The following LONP2 variants were observed in gnomAD, a reference collection of about 807,000 sequenced individuals.
LONP2 encodes lon protease homolog 2, peroxisomal.
Under a neutral mutation model 85.6 loss-of-function variants are expected in LONP2, and 60 were observed. That is an observed-to-expected ratio of 0.70 (90% CI 0.57 to 0.87). The LOEUF (loss-of-function observed/expected upper bound fraction) is 0.87, where lower values mean the gene tolerates loss of function less well. Among genes scored for constraint, LONP2 ranks in the 40% least tolerant of loss-of-function variants. LONP2 has a pLI of 0.00. For synonymous variants in LONP2, 395 were observed against 389.7 expected, an observed-to-expected ratio of 1.01 and a Z score of -0.16; for missense variants, 860 against 1,063.5, an observed-to-expected ratio of 0.81 and a Z score of 2.66.
At chr16:48,349,553 G>A (rs937828459) in intron 14 of LONP2, among the ~76,000 whole-genome samples, 6 of 152,180 alleles carry the variant, frequency 3.9e-5, no homozygotes, top group African/African-American at 7.2e-5. Context: ...CAGCCACAGC[G>A]GCCTGGGGTA....
In LONP2 at chr16:48,355,426, G is replaced by T. The variant is rs959200319; in HGVS notation, c.*3624G>T. The T allele has an allele frequency of 2.0e-5, 3 of 152,150 alleles. No individual in the cohort carries two copies. The highest frequency in any genetic ancestry group is 7.2e-5 in the African/African-American group (3 of 41,438). 9.4% of individuals were successfully genotyped at this position (152,150 alleles called of 1,614,324 possible). A position where few individuals can be genotyped will look rare whatever the true frequency, so the allele number is the denominator to read the frequency against. On this transcript the variant is annotated 3_prime_UTR_variant, in exon 15 of 15. Coordinates refer to ENST00000285737, the MANE Select transcript of LONP2 (RefSeq NM_031490.5). ...AGCTGAGACTGGGCCCTCAATAGAT[G>T]ATACCAGTCTGCCAGCACGCTGATC...
chr16:48,302,496 T>C (rs2151001314), intron 10 of LONP2, among the ~76,000 whole-genome samples: 1 of 152,358 alleles, frequency 6.6e-6, no homozygotes, highest in South Asian at 2.1e-4. Context: ...CAAAAGTGGT[T>C]TCACTATATA....
At chr16:48,316,664 C>T (rs1389874116) in intron 11 of LONP2, among the ~76,000 whole-genome samples, 2 of 152,148 alleles carry the variant, frequency 1.3e-5, no homozygotes, top group African/African-American at 4.8e-5. Flanking sequence ...AATAGATTCT[C>T]CATTGATATT....
chr16:48,291,324 A>G (rs1972553192), intron 8 of LONP2, among the ~76,000 whole-genome samples: 1 of 152,244 alleles, frequency 6.6e-6, no homozygotes, highest in African/African-American at 2.4e-5. Flanking sequence ...CAAAAGATAT[A>G]CACTTTTAAA....
intron 11 of LONP2, among the ~76,000 whole-genome samples, chr16:48,328,653 G>A (rs1207894147): frequency 4.0e-5 from 6 of 150,392 alleles, no homozygotes; most frequent in African/African-American, 1.5e-4. Flanking sequence ...CCTCTAGCCT[G>A]GGTGACACGG....
At chr16:48,294,518 C>T (rs1011275247) in intron 8 of LONP2, among the ~76,000 whole-genome samples, 1 of 152,170 alleles carries the variant, frequency 6.6e-6, no homozygotes, top group Non-Finnish European at 1.5e-5. Context: ...GTAATCCCTG[C>T]ACTTTGGGAG....
chr16:48,334,349 T>C lies in LONP2; in HGVS notation c.1929T>C (p.Tyr643=). 1 of 1,614,220 alleles carries C rather than the reference T, an allele frequency of 6.2e-7. No homozygotes were observed. Among genetic ancestry groups the C allele is most frequent in the Non-Finnish European group, 8.5e-7 (1 of 1,180,038 alleles). The change falls in exon 12 of 15, where the codon TAT becomes TAC. Residue 643 remains tyrosine, a synonymous_variant. Transcript: ENST00000285737. ...AAGACATCCTTGGGCCCCCGATGTA[T>C]GAAATGGAGGTGATTCATTCTTTTT... is the stretch of plus-strand genomic sequence containing the variant. The part of the protein sequence containing the change: ...ALKDILGPPM[Y]EMEVSQRLSQ...
intron 11 of LONP2, among the ~76,000 whole-genome samples, chr16:48,310,717 G>T (rs922204623): frequency 1.3e-5 from 2 of 152,024 alleles, no homozygotes; most frequent in East Asian, 3.9e-4. Context: ...CTGTCATGTT[G>T]CCCTTTTATT....
intron 11 of LONP2, among the ~76,000 whole-genome samples, chr16:48,317,083 T>A (rs1973162099): frequency 1.3e-5 from 2 of 152,174 alleles, no homozygotes; most frequent in South Asian, 4.1e-4. Context: ...ACTCCCAGGA[T>A]GTAGTTCTTA....
intron 11 of LONP2, among the ~76,000 whole-genome samples, chr16:48,328,712 G>C (rs1959335380): frequency 6.6e-6 from 1 of 150,704 alleles, no homozygotes; most frequent in Non-Finnish European, 1.5e-5. Context: ...AGGTGTGGTG[G>C]TACACACCTG....
intron 8 of LONP2, among the ~76,000 whole-genome samples, chr16:48,292,427 G>T (rs907108111): frequency 6.6e-6 from 1 of 152,098 alleles, no homozygotes; most frequent in Non-Finnish European, 1.5e-5. Flanking sequence ...TTTGTGTGAC[G>T]CAGTTCCCAG....
chr16:48,326,614 G>C (rs1959243940), intron 11 of LONP2, among the ~76,000 whole-genome samples: 2 of 152,140 alleles, frequency 1.3e-5, no homozygotes, highest in African/African-American at 2.4e-5. Flanking sequence ...TGTGGGTGTT[G>C]CGCTTTTTAT....
At position 48,251,073 on chromosome 16, in the gene LONP2, C is replaced by T. The variant is rs117181533; in HGVS notation, c.234-1058C>T. On this transcript the variant is annotated intron_variant, in intron 1 of 14. Transcript: ENST00000285737. ...GAAGCCAAAGGCTATGTGTAATCTA[C>T]GGAATGAGTAATTTATAAGGAAGTA... is the stretch of plus-strand genomic sequence containing the variant. Among the ~76,000 whole-genome samples, 58 of 152,234 alleles carry T rather than the reference C, an allele frequency of 3.8e-4. 1 individual carries two copies. In the East Asian group the frequency reaches 0.01, roughly 27 times the overall value.
rs1252028868 is a variant in LONP2, at chr16:48,267,336, G to C, written c.983-2680G>C. ...TATTTTTGAGATGGAGTCTCGCTCT[G>C]TCACCCAGTCTGGAGTGCAGTGGTG... On this transcript the variant is annotated intron_variant, in intron 6 of 14. Coordinates refer to ENST00000285737, the MANE Select transcript of LONP2 (RefSeq NM_031490.5). 6.6e-5 allele frequency among the ~76,000 whole-genome samples: 10 copies of C among 152,158 alleles called. No homozygotes were observed. In the East Asian group the frequency reaches 1.9e-3, roughly 29 times the overall value.
At chr16:48,296,820 TG>T (rs1444471066) in intron 9 of LONP2, among the ~76,000 whole-genome samples, 1 of 152,154 alleles carries the variant, frequency 6.6e-6, no homozygotes, top group African/African-American at 2.4e-5. Flanking sequence ...CTCTTGAATC[TG>T]TCAAATAGTT....
chr16:48,249,761 A>G lies in LONP2; in HGVS notation c.234-2370A>G, dbSNP rs74250388. ...TTAAAGGGATAATTTCTAGTCAACTATAAGTGATTTTAAGTAAAAAGCAAT... is the reference window on the plus strand; with the variant it reads ...TTAAAGGGATAATTTCTAGTCAACTGTAAGTGATTTTAAGTAAAAAGCAAT... On this transcript the variant is annotated intron_variant, in intron 1 of 14. Coordinates refer to ENST00000285737, the MANE Select transcript of LONP2 (RefSeq NM_031490.5). Among the ~76,000 whole-genome samples, 154 of 152,366 alleles carry G rather than the reference A, an allele frequency of 1.0e-3. No individual in the cohort carries two copies. In the East Asian group the frequency reaches 0.026, roughly 26 times the overall value.
At chr16:48,287,121 C>T (rs7184452) in intron 8 of LONP2, among the ~76,000 whole-genome samples, 14,912 of 152,236 alleles carry the variant, frequency 0.098, 795 homozygotes, top group African/African-American at 0.12. Flanking sequence ...CTCTCCCACT[C>T]CTTGCCCAAG....
intron 3 of LONP2, among the ~76,000 whole-genome samples, chr16:48,258,062 C>A (rs913814800): frequency 6.6e-6 from 1 of 152,170 alleles, no homozygotes; most frequent in African/African-American, 2.4e-5. Context: ...AAACACACAG[C>A]TTCGGCCGGG....
chr16:48,253,949 A>G (rs1438099915), intron 2 of LONP2, among the ~76,000 whole-genome samples: 1 of 152,170 alleles, frequency 6.6e-6, no homozygotes, highest in Non-Finnish European at 1.5e-5. Flanking sequence ...TACTAATTTT[A>G]TAATTTCTCT....
Sources: gnomAD v4.1 joint callset for allele counts (sites outside exome capture counted in the v4.1 genomes callset) on GRCh38, gnomAD v4.1.1 for gene constraint, MANE v1.5 for transcripts, NCBI Gene and HGNC (gene_info 2026-07-23, HGNC 2026-07-21) for gene names.